KCNA2: variants seen among roughly 807,000 people sequenced by gnomAD.
KCNA2 encodes the protein potassium voltage-gated channel subfamily A member 2, also known as potassium channel, voltage gated shaker related subfamily A, member 2.
Under a neutral mutation model 33.4 loss-of-function variants are expected in KCNA2, and 11 were observed. The ratio of observed to expected loss-of-function variants is 0.33; its 90% confidence interval spans 0.21 to 0.55. KCNA2 has a LOEUF of 0.55. Among genes scored for constraint, KCNA2 ranks in the 20% least tolerant of loss-of-function variants. KCNA2 has a pLI of 0.93. For synonymous variants in KCNA2, 222 were observed against 231.3 expected (o/e 0.96, Z 0.37); for missense variants, 291 against 621.6 (o/e 0.47, Z 5.66).
At chr1:110,611,018 G>GAGGA (rs59353690), upstream of KCNA2, among the ~76,000 whole-genome samples, 18,056 of 144,062 alleles carry the variant, frequency 0.13, 1,160 homozygotes, top group Admixed American at 0.16. Context: ...AAGACAGAAT[G>GAGGA]AGGAAGGAAG....
intron 1 of KCNA2, among the ~76,000 whole-genome samples, chr1:110,622,705 A>T (rs1473378181): frequency 6.6e-6 from 1 of 152,302 alleles, no homozygotes; most frequent in African/African-American, 2.4e-5. Flanking sequence ...ACAAACAATT[A>T]TAAATTGAGA....
chr1:110,628,336 A>T (rs1570770858), intron 1 of KCNA2, among the ~76,000 whole-genome samples: 1 of 152,106 alleles, frequency 6.6e-6, no homozygotes, highest in East Asian at 1.9e-4. Flanking sequence ...TGGGGAATGA[A>T]ATGCTGTCCC....
chr1:110,605,167 GA>G (rs1649542705), intron 2 of KCNA2, among the ~76,000 whole-genome samples: 1 of 152,200 alleles, frequency 6.6e-6, no homozygotes, highest in Non-Finnish European at 1.5e-5. Flanking sequence ...TGCATTGGGG[GA>G]AGGTGGCTGG....
At position 110,594,180 on chromosome 1, in the gene KCNA2, A is replaced by C; in HGVS notation, c.*9103T>G. On this transcript the variant is annotated 3_prime_UTR_variant, in exon 3 of 3. Transcript: ENST00000316361. Reference sequence around the variant, plus strand: ...GCAATTATTAGAGACAGGACATGGGAGGGCAGCTGAAGATTCATGCACAAG... The same window carrying C: ...GCAATTATTAGAGACAGGACATGGGCGGGCAGCTGAAGATTCATGCACAAG... 1 of 1,245,946 alleles carries C rather than the reference A, an allele frequency of 8.0e-7. No individual in the cohort carries two copies. Among genetic ancestry groups the C allele is most frequent in the Non-Finnish European group, 1.0e-6 (1 of 992,202 alleles). The allele number at this position is 1,245,946 out of a possible 1,614,324, so 77.2% of individuals were successfully genotyped here. A position where few individuals can be genotyped will look rare whatever the true frequency, so the allele number is the denominator to read the frequency against.
rs1289436382 is a variant in KCNA2, at chr1:110,594,692, G to A, written c.*8591C>T. 1 of 985,260 alleles carries A rather than the reference G, an allele frequency of 1.0e-6. No individual in the cohort carries two copies. Among genetic ancestry groups the A allele is most frequent in the African/African-American group, 1.7e-5 (1 of 57,186 alleles). The allele number at this position is 985,260 out of a possible 1,614,324, so 61.0% of individuals were successfully genotyped here. On this transcript the variant is annotated 3_prime_UTR_variant, in exon 3 of 3. Coordinates refer to ENST00000316361, the MANE Select transcript of KCNA2 (RefSeq NM_004974.4). Reference sequence around the variant, plus strand: ...ACAACAAAAGGAAACTGGGTCGCTGGATCCCACGTGAAGGCAGAACTGGGG... The same window carrying A: ...ACAACAAAAGGAAACTGGGTCGCTGAATCCCACGTGAAGGCAGAACTGGGG...
At position 110,593,844 on chromosome 1, in the gene KCNA2, T is replaced by C. The variant is rs1648969745; in HGVS notation, c.*9439A>G. The C allele has an allele frequency of 6.5e-7, 1 of 1,548,362 alleles. No homozygotes were observed. Among genetic ancestry groups the C allele is most frequent in the Non-Finnish European group, 8.7e-7 (1 of 1,146,038 alleles). On this transcript the variant is annotated 3_prime_UTR_variant, in exon 3 of 3. Transcript: ENST00000316361. ...GCTGCAGAAGTCCTGGGTGGGGCAG[T>C]GTTGGTGGGGCTGAAAGCTTCCAGA...
intron 1 of KCNA2, among the ~76,000 whole-genome samples, chr1:110,630,647 C>T (rs957277070): frequency 6.6e-6 from 1 of 152,162 alleles, no homozygotes; most frequent in Non-Finnish European, 1.5e-5. Flanking sequence ...GGTAGGCATT[C>T]AGTAATTGTT....
At position 110,597,459 on chromosome 1, in the gene KCNA2, G is replaced by A. The variant is rs768371954; in HGVS notation, c.*5824C>T. ...GAGGTTGTAAGGATGCTGTATGACA[G>A]CAGGCAGAAATGGGGAGACAGAGGG... is the stretch of plus-strand genomic sequence containing the variant. On this transcript the variant is annotated 3_prime_UTR_variant, in exon 3 of 3. Coordinates refer to ENST00000316361, the MANE Select transcript of KCNA2 (RefSeq NM_004974.4). 6.4e-4 allele frequency: 633 copies of A among 985,304 alleles called. 1 individual carries two copies. Among genetic ancestry groups the A allele is most frequent in the Admixed American group, 9.8e-4 (16 of 16,264 alleles). The allele number at this position is 985,304 out of a possible 1,614,324, so 61.0% of individuals were successfully genotyped here.
intron 1 of KCNA2, among the ~76,000 whole-genome samples, chr1:110,628,440 C>T (rs938767557): frequency 3.3e-5 from 5 of 152,180 alleles, no homozygotes; most frequent in African/African-American, 4.8e-5. Flanking sequence ...GACCATCCTC[C>T]GTATTCCACT....
Position 110,603,953 on chromosome 1 carries a change from T to A in KCNA2, c.830A>T (p.Lys277Met). 6.2e-7 allele frequency: 1 copy of A among 1,614,238 alleles called. No individual in the cohort carries two copies. Among genetic ancestry groups the A allele is most frequent in the Non-Finnish European group, 8.5e-7 (1 of 1,180,046 alleles). Residue 277 changes from lysine to methionine, a missense_variant, in exon 3 of 3, where the codon AAG becomes ATG. By Grantham distance (95) the Lys-to-Met change is moderately conservative. Around this residue, in one of 5 missense-constraint regions of KCNA2, gnomAD observed 43 missense variants for 159.4 expected, o/e 0.27. Transcript: ENST00000316361. This position sits in a 1 kb window ranked among gnomAD's most constrained non-coding sequence, Gnocchi z 5.7. ...CTGGCCTTGCTGAGCGTCCTCTGGC[T>A]TCTCAGCCAACTCTGTCCCCAGGGT... ...FITLGTELAEKPEDAQQGQQA... is the reference protein window; with the variant it reads ...FITLGTELAEMPEDAQQGQQA...
rs1216806148 is a variant in KCNA2 at position 110,601,535 on chromosome 1, C to T, written c.*1748G>A. ...CCCAGGACAGCTGGAACTGTGAGGG[C>T]CACAGGGCCCTTGTGCACTCAGTAA... is the stretch of plus-strand genomic sequence containing the variant. On this transcript the variant is annotated 3_prime_UTR_variant, in exon 3 of 3. Transcript: ENST00000316361. 1.0e-6 allele frequency: 1 copy of T among 986,424 alleles called. No homozygotes were observed. The highest frequency in any genetic ancestry group is 1.2e-6 in the Non-Finnish European group (1 of 830,770). The allele number at this position is 986,424 out of a possible 1,614,324, so 61.1% of individuals were successfully genotyped here.
At position 110,597,662 on chromosome 1, in the gene KCNA2, A is replaced by G. The variant is rs1380975243; in HGVS notation, c.*5621T>C. The G allele has an allele frequency of 1.0e-6, 1 of 985,478 alleles. No individual in the cohort carries two copies. Among genetic ancestry groups the G allele is most frequent in the Non-Finnish European group, 1.2e-6 (1 of 829,956 alleles). 61.0% of individuals were successfully genotyped at this position (985,478 alleles called of 1,614,324 possible). A position where few individuals can be genotyped will look rare whatever the true frequency, so the allele number is the denominator to read the frequency against. Reference sequence around the variant, plus strand: ...CATGTGAACACGTGGGAAGAAGAAGAAACTACAGAGACTGTGAATGAGCCC... The same window carrying G: ...CATGTGAACACGTGGGAAGAAGAAGGAACTACAGAGACTGTGAATGAGCCC... On this transcript the variant is annotated 3_prime_UTR_variant, in exon 3 of 3. Transcript: ENST00000316361.
Position 110,593,917 on chromosome 1 carries a change from T to C in KCNA2, c.*9366A>G. The stretch of plus-strand genomic sequence containing the variant: ...ATCAATACATCCTGTGCAATGTAGT[T>C]ACAGCTGGTGTCTAAATTTTCAAGA... On this transcript the variant is annotated 3_prime_UTR_variant, in exon 3 of 3. Transcript: ENST00000316361. 1.3e-6 allele frequency: 2 copies of C among 1,550,068 alleles called. No individual in the cohort carries two copies. Among genetic ancestry groups the C allele is most frequent in the Non-Finnish European group, 1.7e-6 (2 of 1,146,806 alleles).
chr1:110,615,093 A>C (rs1384500624), intron 1 of KCNA2, among the ~76,000 whole-genome samples: 3 of 152,206 alleles, frequency 2.0e-5, no homozygotes, highest in South Asian at 4.1e-4. Context: ...GCCTTGCAGA[A>C]AGGGGCTGAA....
At chr1:110,611,765 G>A (rs772661403) in intron 1 of KCNA2, among the ~76,000 whole-genome samples, 7 of 150,706 alleles carry the variant, frequency 4.6e-5, no homozygotes, top group Non-Finnish European at 8.8e-5. Context: ...GTCCATGCCT[G>A]TAATTCTAAC....
At chr1:110,627,445 C>A (rs1258159953) in intron 1 of KCNA2, among the ~76,000 whole-genome samples, 1 of 152,124 alleles carries the variant, frequency 6.6e-6, no homozygotes, top group Non-Finnish European at 1.5e-5. Flanking sequence ...AAGTCCTAAC[C>A]ACCCAAGCCT....
chr1:110,607,355 G>A (rs1343705372), upstream of KCNA2: 2 of 150,946 alleles, frequency 1.3e-5, no homozygotes, highest in Admixed American at 6.6e-5. Context: ...GCCGGGAGCC[G>A]GCTCTGCAGT....
At chr1:110,605,114 G>T (rs1253072821) in intron 2 of KCNA2, among the ~76,000 whole-genome samples, 169 bp from the exon 3 acceptor site, 1 of 152,206 alleles carries the variant, frequency 6.6e-6, no homozygotes, top group Admixed American at 6.5e-5. Flanking sequence ...CTGGGGATCA[G>T]GGGGAGCAGG....
rs1417689056 is a variant in KCNA2 at position 110,597,437 on chromosome 1, G to A, written c.*5846C>T. ...AAACTTAGGATTTTCATGCCTAGAG[G>A]TTGTAAGGATGCTGTATGACAGCAG... is the stretch of plus-strand genomic sequence containing the variant. On this transcript the variant is annotated 3_prime_UTR_variant, in exon 3 of 3. Coordinates refer to ENST00000316361, the MANE Select transcript of KCNA2 (RefSeq NM_004974.4). 1.0e-6 allele frequency: 1 copy of A among 985,346 alleles called. No homozygotes were observed. Among genetic ancestry groups the A allele is most frequent in the Admixed American group, 6.2e-5 (1 of 16,258 alleles). 61.0% of individuals were successfully genotyped at this position (985,346 alleles called of 1,614,324 possible).
Sources: allele counts gnomAD v4.1 joint callset (sites outside exome capture counted in the v4.1 genomes callset), GRCh38; gene constraint gnomAD v4.1.1; regional missense constraint gnomAD v4.1.1; non-coding constraint Gnocchi (gnomAD v3.1); transcripts MANE v1.5; gene names NCBI Gene and HGNC (gene_info 2026-07-23, HGNC 2026-07-21).